The following SLC25A26 variants were observed in gnomAD, a reference collection of about 807,000 sequenced individuals.
The protein encoded by SLC25A26 is solute carrier family 25 member 26, also known as mitochondrial S-adenosylmethionine carrier protein.
In SLC25A26, 36 loss-of-function variants were observed where a neutral mutation model predicts 37.8. The ratio of observed to expected loss-of-function variants is 0.95; its 90% CI spans 0.73 to 1.26. The LOEUF (loss-of-function observed/expected upper bound fraction) is 1.26. Ranked by LOEUF, SLC25A26 falls within the 50% of genes most tolerant of loss-of-function variation. SLC25A26 has a pLI of 0.00. For missense variants in SLC25A26, 390 were observed against 331.1 expected (o/e 1.18, Z -1.38); for synonymous variants, 129 against 122.5 (o/e 1.05, Z -0.35).
intron 5 of SLC25A26, among the ~76,000 whole-genome samples, chr3:66,316,644 C>G (rs2075548555): frequency 6.6e-6 from 1 of 152,044 alleles, no homozygotes; most frequent in African/African-American, 2.4e-5. Flanking sequence ...TCTGGAGTTC[C>G]TGAATTTGAA....
At chr3:66,318,614 G>T (rs759756496) in intron 5 of SLC25A26, among the ~76,000 whole-genome samples, 1 of 151,736 alleles carries the variant, frequency 6.6e-6, no homozygotes, top group South Asian at 2.1e-4. Context: ...AGCTGTTTCT[G>T]TTCAGCCATC....
At chr3:66,226,412 T>C (rs1487514861) in intron 1 of SLC25A26, among the ~76,000 whole-genome samples, 1 of 152,132 alleles carries the variant, frequency 6.6e-6, no homozygotes, top group East Asian at 1.9e-4. Flanking sequence ...GTGGGAATTA[T>C]GGGAGCTACA....
rs142547830 is a variant in SLC25A26, at chr3:66,263,951, C to T, written c.453+572C>T. 6.0e-3 allele frequency among the ~76,000 whole-genome samples: 918 copies of T among 152,166 alleles called. 11 individuals are homozygous for T. The highest frequency in any genetic ancestry group is 0.021 in the African/African-American group (876 of 41,556). ...GGGATTACAGGCGTGAGTCGCCGCG[C>T]CCGGCCTCCCGGCCTCTTATAGTTG... On this transcript the variant is annotated intron_variant, in intron 5 of 9. Transcript: ENST00000354883.
chr3:66,295,642 C>T (rs943492957), intron 5 of SLC25A26, among the ~76,000 whole-genome samples: 3 of 151,628 alleles, frequency 2.0e-5, no homozygotes, highest in Non-Finnish European at 2.9e-5. Context: ...ACTTCGTGAT[C>T]CGCCCACCTC....
intron 5 of SLC25A26, among the ~76,000 whole-genome samples, chr3:66,308,929 C>T (rs1303859307): frequency 3.3e-5 from 5 of 152,142 alleles, no homozygotes; most frequent in African/African-American, 4.8e-5. Flanking sequence ...CTGCTGGATT[C>T]GGTTTGCCAG....
chr3:66,151,778 G>C (rs1304935539), intron 1 of SLC25A26, among the ~76,000 whole-genome samples: 1 of 152,222 alleles, frequency 6.6e-6, no homozygotes, highest in African/African-American at 2.4e-5. Context: ...TACCTCTCCA[G>C]TGTAGTAGTT....
chr3:66,317,684 C>T (rs995795706), intron 5 of SLC25A26, among the ~76,000 whole-genome samples: 1 of 152,138 alleles, frequency 6.6e-6, no homozygotes, highest in African/African-American at 2.4e-5. Flanking sequence ...TCCAGGCTGC[C>T]CTGACTCTCC....
At position 66,195,312 on chromosome 3, in the gene SLC25A26, C is replaced by T. The variant is rs1003887708; in HGVS notation, c.-353-25430C>T. Among the ~76,000 whole-genome samples the T allele has an allele frequency of 2.0e-4, 31 of 152,310 alleles. No individual in the cohort carries two copies. In the South Asian group the frequency reaches 3.7e-3, roughly 18 times the overall value. Reference sequence around the variant, plus strand: ...GATCTTTGGGGGAAAAGCCCCCTGCCCAACTATTGAGCATGCACAGACTAT... The same window carrying T: ...GATCTTTGGGGGAAAAGCCCCCTGCTCAACTATTGAGCATGCACAGACTAT... On this transcript the variant is annotated intron_variant, in intron 1 of 10. Coordinates refer to the SLC25A26 transcript ENST00000676754.
intron 3 of SLC25A26, 150 bp downstream of exon 3, chr3:66,243,462 C>G: frequency 4.0e-6 from 2 of 496,914 alleles, no homozygotes; most frequent in Non-Finnish European, 7.1e-6. Context: ...TATGACAGTT[C>G]GAAGATAGAG....
chr3:66,251,916 A>C (rs545671652), intron 3 of SLC25A26, among the ~76,000 whole-genome samples: 3 of 152,264 alleles, frequency 2.0e-5, no homozygotes, highest in Admixed American at 6.5e-5. Flanking sequence ...AGTGGACAAA[A>C]AGGAAGGGAA....
chr3:66,247,287 AC>A (rs2072893917), intron 3 of SLC25A26, among the ~76,000 whole-genome samples: 1 of 152,078 alleles, frequency 6.6e-6, no homozygotes, highest in South Asian at 2.1e-4. Context: ...ATATGCACAC[AC>A]ACACACAAAT....
intron 4 of SLC25A26, 121 bp downstream of exon 4, chr3:66,262,276 G>T: frequency 2.1e-6 from 1 of 479,536 alleles, no homozygotes; most frequent in Non-Finnish European, 3.6e-6. Context: ...TTAATGTCCA[G>T]TTATAGTAAA....
At chr3:66,320,732 C>T (rs2075672008) in intron 5 of SLC25A26, among the ~76,000 whole-genome samples, 1 of 152,130 alleles carries the variant, frequency 6.6e-6, no homozygotes, top group African/African-American at 2.4e-5. Flanking sequence ...TGTCTTGTCA[C>T]CACTTGTTAT....
chr3:66,186,709 A>T, intron 1 of SLC25A26, among the ~76,000 whole-genome samples: 1 of 151,088 alleles, frequency 6.6e-6, no homozygotes. Flanking sequence ...CTTCATCCTT[A>T]CTCTTACCCT....
At chr3:66,297,131 C>T (rs2074927502) in intron 5 of SLC25A26, among the ~76,000 whole-genome samples, 1 of 151,974 alleles carries the variant, frequency 6.6e-6, no homozygotes, top group African/African-American at 2.4e-5. Flanking sequence ...TCAAAACCAG[C>T]CAGGCCAACA....
At chr3:66,365,348 C>T (rs1282357144) in intron 7 of SLC25A26, among the ~76,000 whole-genome samples, 4 of 152,136 alleles carry the variant, frequency 2.6e-5, no homozygotes, top group South Asian at 2.1e-4. Flanking sequence ...AACTACTTGG[C>T]GCAAATATCC....
intron 5 of SLC25A26, among the ~76,000 whole-genome samples, chr3:66,311,402 C>G (rs967967664): frequency 1.3e-5 from 2 of 152,010 alleles, no homozygotes; most frequent in Non-Finnish European, 2.9e-5. Context: ...AACCTTTTAT[C>G]AAGGTTCTTA....
At chr3:66,190,327 A>G (rs1007927456) in intron 1 of SLC25A26, among the ~76,000 whole-genome samples, 1 of 150,870 alleles carries the variant, frequency 6.6e-6, no homozygotes. Context: ...AAAAAAAAAG[A>G]AAAAAAGAAA....
At chr3:66,153,397 C>A (rs778119630) in intron 1 of SLC25A26, among the ~76,000 whole-genome samples, 1 of 152,150 alleles carries the variant, frequency 6.6e-6, no homozygotes, top group East Asian at 1.9e-4. Context: ...GGTTTTCGAG[C>A]TTTATTGCCC....
Sources: gnomAD v4.1 joint callset for allele counts (sites outside exome capture counted in the v4.1 genomes callset) on GRCh38, gnomAD v4.1.1 for gene constraint, MANE v1.5 for transcripts, NCBI Gene and HGNC (gene_info 2026-07-23, HGNC 2026-07-21) for gene names.